HEATR5A: variants seen among roughly 807,000 people sequenced by gnomAD.
HEATR5A encodes HEAT repeat containing 5A, also known as HEAT repeat-containing protein 5A.
HEATR5A carries 178 observed loss-of-function variants against 218.8 expected under a neutral mutation model. The observed-to-expected ratio is 0.81, with a 90% confidence interval of 0.72 to 0.92. The LOEUF is 0.92. Among genes scored for constraint, HEATR5A ranks in the 40% least tolerant of loss-of-function variants. HEATR5A has a pLI of 0.00. For synonymous variants in HEATR5A, 864 were observed against 871.6 expected, an observed-to-expected ratio of 0.99 and a Z score of 0.15; for missense variants, 2,420 against 2,418.9, an observed-to-expected ratio of 1.00 and a Z score of -0.01.
At chr14:31,366,647 A>C (rs1466269979) in intron 13 of HEATR5A, among the ~76,000 whole-genome samples, 1 of 152,200 alleles carries the variant, frequency 6.6e-6, no homozygotes, top group Non-Finnish European at 1.5e-5. Flanking sequence ...AGTATAAATA[A>C]ATCTTTTATC....
At position 31,363,689 on chromosome 14, in the gene HEATR5A, A is replaced by C. The variant is rs80167334; in HGVS notation, c.2071+500T>G. Among the ~76,000 whole-genome samples the C allele has an allele frequency of 7.1e-3, 1,085 of 152,276 alleles. 51 individuals carry two copies. The East Asian group carries it at 0.12, about 16-fold the overall frequency. ...CTTAAGAAGGAGGTTTTTTAAAAAA[A>C]AGTATTTTAGGCTGGGCTCAATAGC... On this transcript the variant is annotated intron_variant, in intron 14 of 35. Coordinates refer to ENST00000543095, the MANE Select transcript of HEATR5A (RefSeq NM_015473.4).
chr14:31,311,946 C>T lies in HEATR5A; in HGVS notation c.4441+1022G>A, dbSNP rs1899768342. On this transcript the variant is annotated intron_variant, in intron 28 of 35. Transcript: ENST00000543095. ...GCACAATCTGAGCTGACCCGAATGGCCACTTGTATATATTTTTCTAAATAT... is the reference window on the plus strand; with the variant it reads ...GCACAATCTGAGCTGACCCGAATGGTCACTTGTATATATTTTTCTAAATAT... Among the ~76,000 whole-genome samples the T allele has an allele frequency of 2.0e-5, 3 of 152,260 alleles. 1 individual carries two copies. In the South Asian group the frequency reaches 6.2e-4, roughly 32 times the overall value.
rs774386424 is a variant in HEATR5A at position 31,305,166 on chromosome 14, C to T, written c.4978G>A (p.Ala1660Thr). 1.2e-6 allele frequency: 2 copies of T among 1,613,192 alleles called. No individual in the cohort carries two copies. The highest frequency in any genetic ancestry group is 4.5e-5 in the East Asian group (2 of 44,878). Residue 1660 changes from alanine to threonine, a missense_variant, in exon 32 of 36, where the codon GCT becomes ACT. Coordinates refer to ENST00000543095, the MANE Select transcript of HEATR5A (RefSeq NM_015473.4). ...KRRSAEVDDG[A>T]AEKETLPEFG... The stretch of plus-strand genomic sequence containing the variant: ...TCTGGCAGAGTTTCCTTTTCAGCAG[C>T]CCCATCATCAACTAAAAGAAAGAAT...
intron 28 of HEATR5A, among the ~76,000 whole-genome samples, chr14:31,312,476 G>C (rs1457065779): frequency 2.0e-5 from 3 of 150,292 alleles, no homozygotes; most frequent in Admixed American, 6.6e-5. Flanking sequence ...GCAGTGGCAC[G>C]ATCTCAGCTC....
chr14:31,306,710 G>C (rs370946179), intron 31 of HEATR5A, 22 bp downstream of exon 31: 1 of 1,585,238 alleles, frequency 6.3e-7, no homozygotes, highest in Non-Finnish European at 8.6e-7. Context: ...TGATCAACTC[G>C]GCATTAAAGG....
chr14:31,340,134 C>G (rs1595114965), intron 21 of HEATR5A, among the ~76,000 whole-genome samples: 1 of 152,074 alleles, frequency 6.6e-6, no homozygotes. Context: ...TTAAGGCAAA[C>G]AAACAAAGCA....
chr14:31,339,652 T>C (rs891596565), intron 21 of HEATR5A, among the ~76,000 whole-genome samples: 39 of 152,042 alleles, frequency 2.6e-4, no homozygotes, highest in Non-Finnish European at 8.8e-5. Flanking sequence ...AACAGCTTTA[T>C]AAGTATGTTC....
intron 2 of HEATR5A, among the ~76,000 whole-genome samples, chr14:31,401,508 T>C (rs1359143527): frequency 2.0e-5 from 3 of 152,182 alleles, no homozygotes; most frequent in Admixed American, 1.3e-4. Context: ...TAGTTCTTTA[T>C]AGCAGTGTGA....
intron 16 of HEATR5A, among the ~76,000 whole-genome samples, chr14:31,355,063 C>T (rs948379924): frequency 3.9e-5 from 6 of 152,140 alleles, no homozygotes; most frequent in African/African-American, 1.2e-4. Context: ...TGGAACAATC[C>T]TCAGGTGAAT....
chr14:31,384,857 T>G (rs912245240), intron 9 of HEATR5A, among the ~76,000 whole-genome samples: 2 of 151,938 alleles, frequency 1.3e-5, no homozygotes, highest in African/African-American at 4.8e-5. Context: ...ATCCACCATG[T>G]TGCTCTTATA....
intron 27 of HEATR5A, 75 bp downstream of exon 27, chr14:31,315,695 G>T: frequency 9.1e-7 from 1 of 1,100,548 alleles, no homozygotes; most frequent in Non-Finnish European, 1.3e-6. Flanking sequence ...ATTTTAAACA[G>T]TAAATTTCAG....
chr14:31,299,702 A>G (rs530094498), intron 33 of HEATR5A, among the ~76,000 whole-genome samples: 1 of 151,600 alleles, frequency 6.6e-6, no homozygotes, highest in African/African-American at 2.4e-5. Context: ...CAGCCTGGGC[A>G]ACAAGAGCAA....
At position 31,380,544 on chromosome 14, in the gene HEATR5A, G is replaced by C. The variant is rs2029936936; in HGVS notation, c.1631C>G (p.Ser544Cys). 6.9e-6 allele frequency: 11 copies of C among 1,605,156 alleles called. No individual in the cohort carries two copies. The highest frequency in any genetic ancestry group is 8.5e-6 in the Non-Finnish European group (10 of 1,175,684). Reference sequence around the variant, plus strand: ...TGAAAGGCGACTGTTTTGAGCAGCAGAACACAGCAAATCCTCTGCTAATGT... The same window carrying C: ...TGAAAGGCGACTGTTTTGAGCAGCACAACACAGCAAATCCTCTGCTAATGT... ...IMTLAEDLLCSAAQNSRLSAQ... is the reference protein window; with the variant it reads ...IMTLAEDLLCCAAQNSRLSAQ... The change falls in exon 11 of 36, where the codon TCT becomes TGT. Residue 544 changes from serine to cysteine, a missense_variant. Physicochemically the swap from Ser to Cys is moderately radical, Grantham distance 112 (BLOSUM62 -1). Transcript: ENST00000543095.
intron 5 of HEATR5A, among the ~76,000 whole-genome samples, chr14:31,394,784 C>T (rs2030592324): frequency 6.6e-6 from 1 of 152,182 alleles, no homozygotes; most frequent in South Asian, 2.1e-4. Context: ...CGCCTCTACA[C>T]TCCAGCCTGG....
intron 27 of HEATR5A, 97 bp from the exon 28 acceptor site, chr14:31,313,287 A>T: frequency 1.2e-6 from 1 of 859,516 alleles, no homozygotes; most frequent in Non-Finnish European, 1.9e-6. Context: ...CTTACCTTTG[A>T]GCATACTGGA....
chr14:31,308,877 A>C, intron 29 of HEATR5A, 57 bp downstream of exon 29: 6 of 1,478,670 alleles, frequency 4.1e-6, no homozygotes, highest in Non-Finnish European at 5.4e-6. Flanking sequence ...TCCATCTCAA[A>C]AAAAAAAAAA....
intron 22 of HEATR5A, among the ~76,000 whole-genome samples, chr14:31,330,773 AGAGT>A (rs1900438670): frequency 1.3e-5 from 2 of 151,544 alleles, no homozygotes; most frequent in South Asian, 4.2e-4. Flanking sequence ...CCTGGGCGAC[AGAGT>A]GAGACTCTGT....
intron 7 of HEATR5A, 132 bp downstream of exon 7, chr14:31,388,713 A>G (rs2030331434): frequency 1.6e-6 from 1 of 613,692 alleles, no homozygotes; most frequent in African/African-American, 1.8e-5. Flanking sequence ...TGGCCTTACC[A>G]TTTATATCTA....
intron 14 of HEATR5A, among the ~76,000 whole-genome samples, chr14:31,362,438 T>TC (rs1365911955): frequency 6.6e-6 from 1 of 151,604 alleles, no homozygotes; most frequent in Non-Finnish European, 1.5e-5. Flanking sequence ...CAAGACTTTT[T>TC]CCTCTAATTC....
Sources: gnomAD v4.1 joint callset for allele counts (sites outside exome capture counted in the v4.1 genomes callset) on GRCh38, gnomAD v4.1.1 for gene constraint, MANE v1.5 for transcripts, NCBI Gene and HGNC (gene_info 2026-07-23, HGNC 2026-07-21) for gene names.